The following MICAL3 variants were observed in gnomAD, a reference collection of about 807,000 sequenced individuals.
MICAL3 encodes [F-actin]-monooxygenase MICAL3.
In MICAL3, 62 loss-of-function variants were observed where a neutral mutation model predicts 207.4. That is an observed-to-expected ratio of 0.30 (90% CI 0.24 to 0.37). MICAL3 has a LOEUF of 0.37. Among genes scored for constraint, MICAL3 ranks in the 10% least tolerant of loss-of-function variants. The pLI is 1.00. For missense variants in MICAL3, 2,368 were observed against 2,635.6 expected, an observed-to-expected ratio of 0.90 and a Z score of 2.22; for synonymous variants, 1,077 against 1,069.3, an observed-to-expected ratio of 1.01 and a Z score of -0.14.
At chr22:18,022,061 C>T (rs1287877223) in intron 1 of MICAL3, among the ~76,000 whole-genome samples, 2 of 152,036 alleles carry the variant, frequency 1.3e-5, no homozygotes, top group Non-Finnish European at 2.9e-5. Flanking sequence ...CATTTCAGAC[C>T]CCCAGTTTTA....
At chr22:18,023,888 T>C (rs1924639489) in intron 1 of MICAL3, among the ~76,000 whole-genome samples, 2 of 152,086 alleles carry the variant, frequency 1.3e-5, no homozygotes, top group South Asian at 4.1e-4. Flanking sequence ...GCCAAGGGCC[T>C]GCTGGCTGTC....
At chr22:17,874,658 A>G (rs1358179151) in intron 16 of MICAL3, among the ~76,000 whole-genome samples, 1 of 152,240 alleles carries the variant, frequency 6.6e-6, no homozygotes, top group African/African-American at 2.4e-5. Context: ...TTTCCTTCTC[A>G]TCACTCATAA....
rs114451526 is a variant in MICAL3 at position 17,909,074 on chromosome 22, A to T, written c.-74-2188T>A. Among the ~76,000 whole-genome samples the T allele has an allele frequency of 2.0e-3, 302 of 152,336 alleles. 1 individual carries two copies. Among genetic ancestry groups the T allele is most frequent in the African/African-American group, 6.8e-3 (283 of 41,560 alleles). The stretch of plus-strand genomic sequence containing the variant: ...ATGAGAGAAAGTTGTAACTAAATAC[A>T]AGGAACTGCCCTCTCCACCTTATAT... On this transcript the variant is annotated intron_variant, in intron 1 of 31. Transcript: ENST00000441493.
intron 1 of MICAL3, among the ~76,000 whole-genome samples, chr22:17,918,642 C>T (rs1932690420): frequency 6.6e-6 from 1 of 151,964 alleles, no homozygotes; most frequent in Non-Finnish European, 1.5e-5. Context: ...GCCCCCCAGA[C>T]CTGCACCCAT....
chr22:17,865,783 C>A, intron 18 of MICAL3, 141 bp downstream of exon 18: 5 of 691,554 alleles, frequency 7.2e-6, no homozygotes, highest in Non-Finnish European at 1.3e-5. Context: ...CCACCCCGGA[C>A]TGCCACTGCA....
At position 17,818,921 on chromosome 22, in the gene MICAL3, G is replaced by C; in HGVS notation, c.3740C>G (p.Pro1247Arg). 6.4e-7 allele frequency: 1 copy of C among 1,573,710 alleles called. No homozygotes were observed. The highest frequency in any genetic ancestry group is 1.2e-5 in the South Asian group (1 of 84,528). Residue 1247 changes from proline (P) to arginine (R), a missense_variant, in exon 26 of 32, where the codon CCC (proline) becomes CGC (arginine). This residue lies in a region of MICAL3 where 1,770 missense variants were observed against 1,863.2 expected (regional missense o/e 0.95). Coordinates refer to ENST00000441493, the MANE Select transcript of MICAL3 (RefSeq NM_015241.3). ...VSPGSPQPQP[P>R]VAASTPPPSP... ...GGGTGGGGGCGTGGAGGCCGCCACG[G>C]GTGGCTGGGGCTGCGGGCTCCCTGG...
chr22:17,836,202 G>A (rs935764572), intron 20 of MICAL3, among the ~76,000 whole-genome samples: 6 of 152,234 alleles, frequency 3.9e-5, no homozygotes, highest in Non-Finnish European at 5.9e-5. Context: ...CACTTCACGT[G>A]CTCTGCAGTC....
chr22:17,904,802 G>A lies in MICAL3; in HGVS notation c.302C>T (p.Thr101Ile), dbSNP rs2146264455. The A allele has an allele frequency of 1.2e-6, 2 of 1,613,978 alleles. No individual in the cohort carries two copies. The highest frequency in any genetic ancestry group is 2.2e-5 in the East Asian group (1 of 44,884). The change falls in exon 3 of 32, where the codon ACA becomes ATA. Residue 101 changes from threonine to isoleucine, a missense_variant. This residue lies in a region of MICAL3 where 400 missense variants were observed against 547.0 expected (regional missense o/e 0.73). Coordinates refer to ENST00000441493, the MANE Select transcript of MICAL3 (RefSeq NM_015241.3). ...CCCCAGTAAGGATAAGTCGATGGCT[G>A]TACGGAGACCACAGGGGCCAGCCCC... Reference protein sequence around the residue: ...IIGAGPCGLRTAIDLSLLGAK... With the variant: ...IIGAGPCGLRIAIDLSLLGAK...
At chr22:17,945,255 G>A (rs989941516) in intron 1 of MICAL3, among the ~76,000 whole-genome samples, 1 of 152,106 alleles carries the variant, frequency 6.6e-6, no homozygotes, top group African/African-American at 2.4e-5. Context: ...AGCCTAGCCG[G>A]TGGTGGTGTA....
chr22:17,820,518 C>G (rs1263879905), intron 25 of MICAL3, among the ~76,000 whole-genome samples: 1 of 152,154 alleles, frequency 6.6e-6, no homozygotes, highest in Non-Finnish European at 1.5e-5. Context: ...CCACGCCCGG[C>G]TAATTTTTTG....
In MICAL3 at chr22:17,817,714, GGA is replaced by G. The variant is rs760384068; in HGVS notation, c.4945_4946del (p.Ser1649ProfsTer17). 1 of 1,596,492 alleles carries G rather than the reference GGA, an allele frequency of 6.3e-7. No homozygotes were observed. The highest frequency in any genetic ancestry group is 8.5e-7 in the Non-Finnish European group (1 of 1,172,724). ...AGCCCCTGAGAGTGGGGCGTGTGGG[GGA>G]GTCAGGCCGGCGCTCCTTGCCCTGG... Reference protein sequence around the residue: ...PSQGKERRPDSPTRPTLRGSE... With the variant: ...PSQGKERRPDXPTRPTLRGSE... On this transcript the variant is annotated frameshift_variant, in exon 26 of 32. Coordinates refer to ENST00000441493, the MANE Select transcript of MICAL3 (RefSeq NM_015241.3). LOFTEE classifies it high-confidence loss of function.
intron 1 of MICAL3, among the ~76,000 whole-genome samples, chr22:17,929,864 G>A (rs1268958625): frequency 6.6e-6 from 1 of 152,154 alleles, no homozygotes; most frequent in African/African-American, 2.4e-5. Flanking sequence ...CACTGCGCCC[G>A]GCCTCTATGC....
intron 25 of MICAL3, among the ~76,000 whole-genome samples, chr22:17,820,393 C>T (rs1193913434): frequency 2.0e-5 from 3 of 152,182 alleles, no homozygotes; most frequent in East Asian, 3.8e-4. Context: ...CTCGCTCTGT[C>T]GCCCAGGCTG....
At chr22:17,967,261 C>T (rs1475432651) in intron 1 of MICAL3, among the ~76,000 whole-genome samples, 1 of 152,124 alleles carries the variant, frequency 6.6e-6, no homozygotes, top group East Asian at 1.9e-4. Context: ...AACCTATTGG[C>T]TGAAAATAAT....
intron 15 of MICAL3, among the ~76,000 whole-genome samples, chr22:17,886,349 T>G (rs1346472048): frequency 6.6e-6 from 1 of 152,166 alleles, no homozygotes; most frequent in East Asian, 1.9e-4. Flanking sequence ...TCTGGAAAAT[T>G]AAACAAAGGC....
At chr22:17,797,696 A>G (rs912262997) in intron 29 of MICAL3, among the ~76,000 whole-genome samples, 1 of 152,234 alleles carries the variant, frequency 6.6e-6, no homozygotes, top group African/African-American at 2.4e-5. Flanking sequence ...AAACAGCAAT[A>G]TCATACATGA....
rs143536202 is a variant in MICAL3 at position 17,873,121 on chromosome 22, C to T, written c.2242-1098G>A. 6.8e-3 allele frequency among the ~76,000 whole-genome samples: 1,036 copies of T among 152,328 alleles called. 5 individuals carry two copies. The highest frequency in any genetic ancestry group is 0.015 in the South Asian group (74 of 4,824). On this transcript the variant is annotated intron_variant, in intron 16 of 31. Coordinates refer to ENST00000441493, the MANE Select transcript of MICAL3 (RefSeq NM_015241.3). ...TTCCTTGGGAAGAACTGGGTCTCTC[C>T]CATCTCTGTGGAATGCACAGTTCCA...
intron 7 of MICAL3, among the ~76,000 whole-genome samples, chr22:17,897,860 C>T (rs1308830854): frequency 2.0e-5 from 3 of 152,162 alleles, no homozygotes; most frequent in African/African-American, 7.2e-5. Context: ...CAAAGAAGAA[C>T]AAAGGACTGA....
intron 7 of MICAL3, 103 bp downstream of exon 7, chr22:17,899,345 T>C (rs1472291407): frequency 1.3e-6 from 1 of 789,776 alleles, no homozygotes; most frequent in South Asian, 1.5e-5. Flanking sequence ...CATTCAGTGC[T>C]CATTTTCATT....
Sources: gnomAD v4.1 joint callset for allele counts (sites outside exome capture counted in the v4.1 genomes callset) on GRCh38, gnomAD v4.1.1 for gene constraint, gnomAD v4.1.1 regional missense constraint, MANE v1.5 for transcripts, NCBI Gene and HGNC (gene_info 2026-07-23, HGNC 2026-07-21) for gene names.